Variants in DTNA observed in about 807,000 individuals in gnomAD.
DTNA encodes the protein dystrophin-related protein 3.
In DTNA, 43 loss-of-function variants were observed where a neutral mutation model predicts 100.7. The observed-to-expected ratio is 0.43, with a 90% CI of 0.33 to 0.55. The LOEUF is 0.55. DTNA is among the 20% of genes least tolerant of loss of function. The pLI, the probability that DTNA is intolerant of heterozygous loss-of-function variation, is 0.04. For synonymous variants in DTNA, 349 were observed against 347.9 expected, an observed-to-expected ratio of 1.00 and a Z score of -0.04; for missense variants, 798 against 953.9, an observed-to-expected ratio of 0.84 and a Z score of 2.15.
chr18:34,506,063 T>G lies in DTNA; in HGVS notation c.-2+12549T>G, dbSNP rs79387646. 6.5e-3 allele frequency among the ~76,000 whole-genome samples: 996 copies of G among 152,324 alleles called. 15 individuals carry two copies. The highest frequency in any genetic ancestry group is 0.023 in the African/African-American group (955 of 41,554). ...AGTCTCCCTTGACACCTGAGGGGAC[T>G]TCACATTACTGTAGGGCAAAGTGGG... On this transcript the variant is annotated intron_variant, in intron 1 of 19. Transcript: ENST00000283365.
chr18:34,765,766 T>A (rs1601653312), intron 2 of DTNA, among the ~76,000 whole-genome samples, 195 bp from the exon 3 acceptor site: 1 of 152,348 alleles, frequency 6.6e-6, no homozygotes, highest in East Asian at 1.9e-4. Context: ...TACATGTGTG[T>A]GCTCTTTTTC....
intron 7 of DTNA, 97 bp downstream of exon 7, chr18:34,816,111 G>T: frequency 7.8e-7 from 1 of 1,274,526 alleles, no homozygotes. Flanking sequence ...TTTTAGGGAA[G>T]CCTATTTAGT....
chr18:34,499,993 C>G (rs1387174721), intron 1 of DTNA, among the ~76,000 whole-genome samples: 2 of 152,064 alleles, frequency 1.3e-5, no homozygotes, highest in Admixed American at 1.3e-4. Flanking sequence ...TAGATTGATT[C>G]CTCCCACTTT....
chr18:34,805,412 C>T (rs148954299), intron 4 of DTNA, among the ~76,000 whole-genome samples: 12 of 152,216 alleles, frequency 7.9e-5, no homozygotes, highest in African/African-American at 2.9e-4. Context: ...GCAACCTCCA[C>T]CTCCCGGGTT....
At chr18:34,644,311 G>T (rs2059605347) in intron 1 of DTNA, among the ~76,000 whole-genome samples, 1 of 152,064 alleles carries the variant, frequency 6.6e-6, no homozygotes, top group Admixed American at 6.5e-5. Flanking sequence ...ATCATCAAGA[G>T]GATGTTTTTG....
intron 1 of DTNA, among the ~76,000 whole-genome samples, chr18:34,750,472 C>T (rs546822895): frequency 1.3e-5 from 2 of 152,154 alleles, no homozygotes; most frequent in African/African-American, 4.8e-5. Context: ...TTTCAGTTTA[C>T]CAATTTCAGA....
intron 1 of DTNA, among the ~76,000 whole-genome samples, chr18:34,518,713 G>A: frequency 8.7e-6 from 1 of 114,414 alleles, no homozygotes; most frequent in Non-Finnish European, 1.9e-5. Context: ...ACGTGTGTGT[G>A]TGTGTGTGTG....
At chr18:34,562,828 C>T (rs1028435543) in intron 1 of DTNA, among the ~76,000 whole-genome samples, 3 of 152,152 alleles carry the variant, frequency 2.0e-5, no homozygotes, top group Non-Finnish European at 4.4e-5. Flanking sequence ...ATGACAATCA[C>T]GTTAATCACC....
chr18:34,774,451 T>A (rs1456734625), intron 3 of DTNA, among the ~76,000 whole-genome samples: 1 of 152,212 alleles, frequency 6.6e-6, no homozygotes, highest in Non-Finnish European at 1.5e-5. Flanking sequence ...TGAAAGTCAC[T>A]CCTGATGTCA....
intron 1 of DTNA, among the ~76,000 whole-genome samples, chr18:34,506,189 A>T (rs1230864847): frequency 6.6e-6 from 1 of 152,186 alleles, no homozygotes; most frequent in Non-Finnish European, 1.5e-5. Flanking sequence ...GAGGGGGCCT[A>T]ATGACTGCTG....
chr18:34,861,067 A>G (rs557629360), intron 16 of DTNA, among the ~76,000 whole-genome samples: 1 of 149,890 alleles, frequency 6.7e-6, no homozygotes, highest in East Asian at 1.9e-4. Context: ...ATTTCCTAAG[A>G]AAAAAATTAT....
chr18:34,790,549 C>CTATATATATATATATA (rs67141918), intron 3 of DTNA, among the ~76,000 whole-genome samples: 6 of 96,196 alleles, frequency 6.2e-5, no homozygotes, highest in African/African-American at 2.8e-4. Flanking sequence ...AAGCAGCATA[C>CTATATATATATATATA]TATATATATA....
intron 1 of DTNA, among the ~76,000 whole-genome samples, chr18:34,580,204 A>T (rs1416266069): frequency 6.6e-6 from 1 of 152,010 alleles, no homozygotes; most frequent in African/African-American, 2.4e-5. Flanking sequence ...GAAATTTCCC[A>T]ATGTTAATGC....
intron 18 of DTNA, among the ~76,000 whole-genome samples, chr18:34,876,484 A>G (rs2096820125): frequency 1.3e-5 from 2 of 152,354 alleles, no homozygotes; most frequent in African/African-American, 4.8e-5. Context: ...CAGGTGAAAT[A>G]TACGAATAGA....
At chr18:34,674,971 G>A (rs188678444) in intron 1 of DTNA, among the ~76,000 whole-genome samples, 3 of 152,236 alleles carry the variant, frequency 2.0e-5, no homozygotes, top group South Asian at 4.1e-4. Flanking sequence ...AGGAATTCAC[G>A]TGGTATATAG....
chr18:34,848,012 ATTC>A (rs2096410521), intron 13 of DTNA, among the ~76,000 whole-genome samples: 1 of 152,250 alleles, frequency 6.6e-6, no homozygotes. Flanking sequence ...AGTAAGAGAA[ATTC>A]TTCTGATCAG....
At chr18:34,714,622 T>G (rs2146651843) in intron 1 of DTNA, among the ~76,000 whole-genome samples, 1 of 150,816 alleles carries the variant, frequency 6.6e-6, no homozygotes, top group East Asian at 2.0e-4. Context: ...AGGAACACTT[T>G]TACACTGTTG....
rs570003846 is a variant in DTNA at position 34,569,135 on chromosome 18, C to T, written c.-2+75621C>T. On this transcript the variant is annotated intron_variant, in intron 1 of 19. Coordinates refer to the DTNA transcript ENST00000283365. Reference sequence around the variant, plus strand: ...TGGCTGGATCTGAGCTCATTGGATTCAGCCCATCTAGAGACTCAGTCATGT... The same window carrying T: ...TGGCTGGATCTGAGCTCATTGGATTTAGCCCATCTAGAGACTCAGTCATGT... Among the ~76,000 whole-genome samples the T allele has an allele frequency of 9.2e-5, 14 of 152,242 alleles. No individual in the cohort carries two copies. In the South Asian group the frequency reaches 2.7e-3, roughly 29 times the overall value.
At chr18:34,622,138 A>T (rs2056611391) in intron 1 of DTNA, among the ~76,000 whole-genome samples, 1 of 152,202 alleles carries the variant, frequency 6.6e-6, no homozygotes. Flanking sequence ...GTAAATCTTA[A>T]ATGTTCTCAT....
Sources: gnomAD v4.1 joint callset for allele counts (sites outside exome capture counted in the v4.1 genomes callset) on GRCh38, gnomAD v4.1.1 for gene constraint, MANE v1.5 for transcripts, NCBI Gene and HGNC (gene_info 2026-07-23, HGNC 2026-07-21) for gene names.